The following SV2C variants were observed in gnomAD, a reference collection of about 807,000 sequenced individuals.
SV2C encodes solute carrier family 22 member B3.
A neutral mutation model predicts 79.7 loss-of-function variants in SV2C; 49 were observed. That is an observed-to-expected ratio of 0.61 (90% confidence interval 0.49 to 0.78). The LOEUF (loss-of-function observed/expected upper bound fraction) is 0.78. Among genes scored for constraint, SV2C ranks in the 30% least tolerant of loss-of-function variants. SV2C has a pLI of 0.00. For synonymous variants in SV2C, 334 were observed against 333.2 expected (o/e 1.00, Z -0.03); for missense variants, 833 against 912.9 (o/e 0.91, Z 1.13).
At chr5:76,264,298 T>C (rs1230020924) in intron 4 of SV2C, among the ~76,000 whole-genome samples, 1 of 151,984 alleles carries the variant, frequency 6.6e-6, no homozygotes, top group Non-Finnish European at 1.5e-5. Flanking sequence ...ATTTATATTC[T>C]TCTCTAAACT....
intron 2 of SV2C, among the ~76,000 whole-genome samples, chr5:76,190,548 G>T (rs1744068747): frequency 6.6e-6 from 1 of 152,206 alleles, no homozygotes; most frequent in Non-Finnish European, 1.5e-5. Context: ...TAGAGTCGGG[G>T]ATTCGCTGAC....
chr5:75,884,375 T>A, the SV2C span, among the ~76,000 whole-genome samples: 2 of 152,194 alleles, frequency 1.3e-5, no homozygotes, highest in Non-Finnish European at 2.9e-5. Context: ...AATTAGAGAC[T>A]GTTTTAACTC....
At chr5:76,342,917 T>C (rs963134137) in intron 12 of SV2C, among the ~76,000 whole-genome samples, 2 of 150,212 alleles carry the variant, frequency 1.3e-5, no homozygotes, top group Non-Finnish European at 3.0e-5. Flanking sequence ...GAGATGGGGA[T>C]CTTGCTATGT....
the SV2C span, among the ~76,000 whole-genome samples, chr5:76,027,340 G>C: frequency 6.6e-6 from 1 of 151,932 alleles, no homozygotes; most frequent in Non-Finnish European, 1.5e-5. Context: ...GAGATTACAG[G>C]TGTGAGCCAC....
intron 1 of SV2C, among the ~76,000 whole-genome samples, chr5:76,119,843 T>A (rs1192611133): frequency 1.3e-5 from 2 of 152,224 alleles, no homozygotes; most frequent in Non-Finnish European, 2.9e-5. Context: ...TCACAACCCA[T>A]TTTTCACTCT....
At chr5:76,203,598 T>C (rs1240877440) in intron 3 of SV2C, among the ~76,000 whole-genome samples, 1 of 152,130 alleles carries the variant, frequency 6.6e-6, no homozygotes, top group African/African-American at 2.4e-5. Flanking sequence ...TGTGGATGCA[T>C]AGACCTCCAC....
Position 76,267,081 on chromosome 5 carries a change from G to A in SV2C, c.914-18081G>A, listed in dbSNP as rs542903829. On this transcript the variant is annotated intron_variant, in intron 4 of 12. Transcript: ENST00000502798. ...AAAGAGAAACAAATGTCCACCACAC[G>A]GTGATTGGGAGGGCGACATTCCTGA... Among the ~76,000 whole-genome samples the A allele has an allele frequency of 7.2e-5, 11 of 152,300 alleles. No individual in the cohort carries two copies. The East Asian group carries it at 2.1e-3, about 29-fold the overall frequency.
intron 2 of SV2C, among the ~76,000 whole-genome samples, chr5:76,138,108 T>A (rs12659363): frequency 0.061 from 9,323 of 152,298 alleles, 728 homozygotes; most frequent in East Asian, 0.37. Flanking sequence ...TGGCTCCTAT[T>A]ACCAGCGGGA....
the SV2C span, among the ~76,000 whole-genome samples, chr5:75,971,691 C>G: frequency 3.9e-4 from 60 of 152,114 alleles, no homozygotes; most frequent in African/African-American, 1.1e-3. Context: ...CAAACAAATG[C>G]AAGAACATTC....
At chr5:76,340,084 A>G (rs565897707) in intron 12 of SV2C, among the ~76,000 whole-genome samples, 2 of 152,324 alleles carry the variant, frequency 1.3e-5, no homozygotes, top group East Asian at 3.9e-4. Context: ...TACACTAATC[A>G]TAATTCATTA....
intron 2 of SV2C, among the ~76,000 whole-genome samples, chr5:76,156,336 G>T (rs1269308105): frequency 2.6e-5 from 4 of 152,130 alleles, no homozygotes; most frequent in Admixed American, 6.5e-5. Flanking sequence ...TCATTCTATG[G>T]GGGGAAGGAA....
intron 12 of SV2C, among the ~76,000 whole-genome samples, chr5:76,346,205 T>C (rs246807): frequency 0.52 from 79,128 of 152,090 alleles, 22,714 homozygotes; most frequent in African/African-American, 0.77. Context: ...GTGTAAATAA[T>C]CTTAAGTGCG....
chr5:76,280,431 G>C (rs1366534168), intron 4 of SV2C, among the ~76,000 whole-genome samples: 1 of 152,178 alleles, frequency 6.6e-6, no homozygotes, highest in Non-Finnish European at 1.5e-5. Context: ...CTCTCTTCTG[G>C]GTTTTGATTG....
At chr5:75,918,733 A>ATTGT in the SV2C span, among the ~76,000 whole-genome samples, 1 of 152,364 alleles carries the variant, frequency 6.6e-6, no homozygotes, top group South Asian at 2.1e-4. Context: ...GTAGATAACA[A>ATTGT]GAGTGATAGA....
the SV2C span, among the ~76,000 whole-genome samples, chr5:75,866,263 C>G: frequency 1.3e-5 from 2 of 149,300 alleles, no homozygotes; most frequent in African/African-American, 5.2e-5. Context: ...TTATGCTAAA[C>G]AGGTAGTCAG....
intron 1 of SV2C, among the ~76,000 whole-genome samples, chr5:76,084,953 G>C (rs1747131050): frequency 6.6e-6 from 1 of 152,152 alleles, no homozygotes; most frequent in African/African-American, 2.4e-5. Context: ...GCTCCCCGGG[G>C]GACCGAGGAG....
At chr5:76,197,707 C>CAGATAGAG (rs1554039523) in intron 3 of SV2C, among the ~76,000 whole-genome samples, 1 of 145,494 alleles carries the variant, frequency 6.9e-6, no homozygotes, top group Non-Finnish European at 1.5e-5. Flanking sequence ...GATAGACAGG[C>CAGATAGAG]AGATAGATAG....
chr5:76,099,758 G>A (rs1747676211), intron 1 of SV2C, among the ~76,000 whole-genome samples: 1 of 152,136 alleles, frequency 6.6e-6, no homozygotes, highest in Admixed American at 6.6e-5. Flanking sequence ...CAGTAAGAAG[G>A]ATTCATATTG....
the SV2C span, among the ~76,000 whole-genome samples, chr5:75,906,512 G>C: frequency 4.6e-5 from 7 of 151,380 alleles, no homozygotes; most frequent in African/African-American, 1.7e-4. Context: ...TGGGTTTCTA[G>C]AAGAAAAACT....
Sources: allele counts gnomAD v4.1 joint callset (sites outside exome capture counted in the v4.1 genomes callset), GRCh38; gene constraint gnomAD v4.1.1; transcripts MANE v1.5; gene names NCBI Gene and HGNC (gene_info 2026-07-23, HGNC 2026-07-21).